The following LDB2 variants were observed in gnomAD, a reference collection of about 807,000 sequenced individuals.
LDB2 encodes LIM domain-binding protein 2.
LDB2 carries 12 observed loss-of-function variants against 44.3 expected under a neutral mutation model. That is an observed-to-expected ratio of 0.27 (90% CI 0.17 to 0.44). The LOEUF is 0.44. Ranked by LOEUF, LDB2 falls within the 20% of genes least tolerant of loss-of-function variation. The pLI, the probability that LDB2 is intolerant of heterozygous loss-of-function variation, is 1.00. For synonymous variants in LDB2, 164 were observed against 174.8 expected (o/e 0.94, Z 0.49); for missense variants, 344 against 473.5 (o/e 0.73, Z 2.54).
chr4:16,545,216 TC>T (rs1351638722), intron 5 of LDB2, among the ~76,000 whole-genome samples: 3 of 151,160 alleles, frequency 2.0e-5, no homozygotes, highest in East Asian at 1.9e-4. Context: ...TTCTGTTTTT[TC>T]CCCCCTCCCT....
Position 16,796,137 on chromosome 4 carries a change from A to T in LDB2, c.133-36877T>A, listed in dbSNP as rs1776681156. 1.3e-5 allele frequency among the ~76,000 whole-genome samples: 2 copies of T among 152,010 alleles called. 1 individual carries two copies. Among genetic ancestry groups the T allele is most frequent in the South Asian group, 4.2e-4 (2 of 4,818 alleles). ...TGAAATCCCATCTCTACAAAAAAAA[A>T]ATTAGCCCGTCATGGTGGTGTCGTG... On this transcript the variant is annotated intron_variant, in intron 1 of 7. Coordinates refer to ENST00000304523, the MANE Select transcript of LDB2 (RefSeq NM_001290.5).
At chr4:16,713,044 C>A (rs1756280705) in intron 2 of LDB2, among the ~76,000 whole-genome samples, 1 of 152,198 alleles carries the variant, frequency 6.6e-6, no homozygotes, top group Non-Finnish European at 1.5e-5. Flanking sequence ...AGTAATGATA[C>A]ATGCTACAAC....
intron 2 of LDB2, among the ~76,000 whole-genome samples, chr4:16,724,308 G>A (rs1758958503): frequency 6.6e-6 from 1 of 151,708 alleles, no homozygotes; most frequent in South Asian, 2.1e-4. Flanking sequence ...CTAAGAGGGA[G>A]AATGGGTAAC....
intron 1 of LDB2, among the ~76,000 whole-genome samples, chr4:16,812,634 T>TGTGTG (rs1353004743): frequency 1.8e-4 from 25 of 136,566 alleles, no homozygotes; most frequent in African/African-American, 7.5e-4. Flanking sequence ...TAAATATATG[T>TGTGTG]GTGTGTGTGT....
At chr4:16,638,973 T>C (rs2152506287) in intron 2 of LDB2, among the ~76,000 whole-genome samples, 1 of 152,284 alleles carries the variant, frequency 6.6e-6, no homozygotes, top group Middle Eastern at 3.4e-3. Flanking sequence ...ATTTAACATT[T>C]CCCTATTAAA....
chr4:16,726,428 C>G (rs1442023612), intron 2 of LDB2: 1 of 150,202 alleles, frequency 6.7e-6, no homozygotes, highest in Non-Finnish European at 1.5e-5. Context: ...GGCAGGTGCT[C>G]TATCCTCAAT....
At chr4:16,693,642 GGT>G (rs1236072258) in intron 2 of LDB2, among the ~76,000 whole-genome samples, 9 of 152,200 alleles carry the variant, frequency 5.9e-5, no homozygotes, top group South Asian at 4.1e-4. Flanking sequence ...CACCTTCTGT[GGT>G]GTGTTTCTAG....
intron 4 of LDB2, 84 bp downstream of exon 4, chr4:16,588,624 CAG>C: frequency 7.2e-7 from 1 of 1,387,674 alleles, no homozygotes; most frequent in South Asian, 1.3e-5. Context: ...AATTCTTTCA[CAG>C]AGAGAGGACT....
chr4:16,650,590 T>C (rs1738006073), intron 2 of LDB2, among the ~76,000 whole-genome samples: 1 of 152,234 alleles, frequency 6.6e-6, no homozygotes, highest in African/African-American at 2.4e-5. Context: ...TAACATTTAA[T>C]AACTGTAAAC....
At chr4:16,828,138 G>T (rs545378773) in intron 1 of LDB2, among the ~76,000 whole-genome samples, 6 of 152,158 alleles carry the variant, frequency 3.9e-5, no homozygotes, top group African/African-American at 1.4e-4. Flanking sequence ...CTCCACCTCA[G>T]TTCTTACAGA....
At position 16,882,074 on chromosome 4, in the gene LDB2, A is replaced by T. The variant is rs529769105; in HGVS notation, c.132+16280T>A. 2.6e-5 allele frequency among the ~76,000 whole-genome samples: 4 copies of T among 152,306 alleles called. No homozygotes were observed. The South Asian group carries it at 8.3e-4, about 32-fold the overall frequency. On this transcript the variant is annotated intron_variant, in intron 1 of 7. Coordinates refer to ENST00000304523, the MANE Select transcript of LDB2 (RefSeq NM_001290.5). ...TATGCACGTGTGTGCATGTCTCAGT[A>T]CCGCAATCCTGGCTGGGAAAACCTC...
intron 2 of LDB2, among the ~76,000 whole-genome samples, chr4:16,726,996 T>C (rs1759631281): frequency 6.6e-6 from 1 of 152,208 alleles, no homozygotes; most frequent in Non-Finnish European, 1.5e-5. Context: ...ATGGGTCGGT[T>C]TGCTTTAGAA....
intron 1 of LDB2, among the ~76,000 whole-genome samples, chr4:16,778,410 T>G (rs922838119): frequency 6.6e-6 from 1 of 152,158 alleles, no homozygotes; most frequent in Non-Finnish European, 1.5e-5. Flanking sequence ...TTTCTACTAG[T>G]CAACACCTGC....
At chr4:16,584,423 G>A (rs1715976826) in intron 5 of LDB2, among the ~76,000 whole-genome samples, 1 of 152,222 alleles carries the variant, frequency 6.6e-6, no homozygotes, top group Admixed American at 6.5e-5. Flanking sequence ...TCTTGGGTCA[G>A]GCTGCCTGAG....
chr4:16,634,313 A>G, intron 2 of LDB2, among the ~76,000 whole-genome samples: 1 of 151,656 alleles, frequency 6.6e-6, no homozygotes. Context: ...AAAAAAAAAA[A>G]AAGCTATCAT....
At chr4:16,719,604 A>G (rs1048689791) in intron 2 of LDB2, among the ~76,000 whole-genome samples, 3 of 152,148 alleles carry the variant, frequency 2.0e-5, no homozygotes, top group Admixed American at 6.6e-5. Flanking sequence ...AAATTTTAGG[A>G]AGTAATATGG....
intron 2 of LDB2, among the ~76,000 whole-genome samples, chr4:16,709,276 T>C (rs1170499758): frequency 6.6e-6 from 1 of 152,224 alleles, no homozygotes; most frequent in Non-Finnish European, 1.5e-5. Flanking sequence ...ACAAAAATTA[T>C]TCTGCAGGTT....
intron 1 of LDB2, among the ~76,000 whole-genome samples, chr4:16,783,607 C>T (rs566940941): frequency 2.0e-5 from 3 of 152,334 alleles, no homozygotes; most frequent in South Asian, 4.1e-4. Flanking sequence ...GTGGTATAAG[C>T]CTTGCAGCTG....
intron 1 of LDB2, among the ~76,000 whole-genome samples, chr4:16,897,903 T>TATAC (rs1257264167): frequency 5.0e-5 from 1 of 19,866 alleles, no homozygotes; most frequent in African/African-American, 5.6e-4. Context: ...AAAATATATA[T>TATAC]ATATATATAT....
Sources: gnomAD v4.1 joint callset for allele counts (sites outside exome capture counted in the v4.1 genomes callset) on GRCh38, gnomAD v4.1.1 for gene constraint, MANE v1.5 for transcripts, NCBI Gene and HGNC (gene_info 2026-07-23, HGNC 2026-07-21) for gene names.